The following NIBAN3 variants were observed in gnomAD, a reference collection of about 807,000 sequenced individuals.
NIBAN3 encodes protein Niban 3.
A neutral mutation model predicts 76.4 loss-of-function variants in NIBAN3; 66 were observed. The ratio of observed to expected loss-of-function variants is 0.86; its 90% confidence interval spans 0.71 to 1.06. The LOEUF (loss-of-function observed/expected upper bound fraction) is 1.06. Ranked by LOEUF, NIBAN3 falls within the 50% of genes least tolerant of loss-of-function variation. The pLI is 0.00. For missense variants in NIBAN3, 808 were observed against 810.7 expected (o/e 1.00, Z 0.04); for synonymous variants, 360 against 355.2 (o/e 1.01, Z -0.15).
At chr19:17,526,648 T>TAA (rs569937695), upstream of NIBAN3, among the ~76,000 whole-genome samples, 8 of 139,006 alleles carry the variant, frequency 5.8e-5, no homozygotes, top group African/African-American at 7.9e-5. Flanking sequence ...ACCCTGTCTC[T>TAA]AAAAAAAAAA....
rs2075992029 is a variant in NIBAN3 at position 17,543,438 on chromosome 19, G to A, written c.1446+5G>A. On this transcript the variant is annotated splice_donor_5th_base_variant and intron_variant, in intron 11 of 14. Coordinates refer to ENST00000599164, the MANE Select transcript of NIBAN3 (RefSeq NM_001321827.2). ...GTCAGGGGGCGCGTGCTGAAGGTGT[G>A]TTCTGTGGGTACGGGGTGGCATGGG... 2 of 1,613,218 alleles carry A rather than the reference G, an allele frequency of 1.2e-6. No homozygotes were observed. The highest frequency in any genetic ancestry group is 1.7e-6 in the Non-Finnish European group (2 of 1,179,290).
In NIBAN3 at chr19:17,546,798, G is replaced by A. The variant is rs1439902155; in HGVS notation, c.1666+1G>A. On this transcript the variant is annotated splice_donor_variant, in intron 13 of 14. Coordinates refer to ENST00000599164, the MANE Select transcript of NIBAN3 (RefSeq NM_001321827.2). LOFTEE classifies it high-confidence loss of function. Reference sequence around the variant, plus strand: ...TGCTTGCTGCAGAGGATTGACCAAGGTGAGTCCCGCCCTGCCATGGCTCAG... The same window carrying A: ...TGCTTGCTGCAGAGGATTGACCAAGATGAGTCCCGCCCTGCCATGGCTCAG... 1 of 1,590,302 alleles carries A rather than the reference G, an allele frequency of 6.3e-7. No individual in the cohort carries two copies. Among genetic ancestry groups the A allele is most frequent in the Admixed American group, 1.8e-5 (1 of 55,376 alleles).
intron 4 of NIBAN3, among the ~76,000 whole-genome samples, chr19:17,535,885 C>T (rs1267083589): frequency 6.6e-6 from 1 of 151,958 alleles, no homozygotes; most frequent in Non-Finnish European, 1.5e-5. Context: ...GCCTGGGCAG[C>T]AGAGGAAGAC....
chr19:17,524,206 T>C (rs955742338), upstream of NIBAN3, among the ~76,000 whole-genome samples: 7 of 151,516 alleles, frequency 4.6e-5, no homozygotes, highest in African/African-American at 1.7e-4. Flanking sequence ...CTTCCTTTCA[T>C]CTCCGTGACC....
intron 1 of NIBAN3, among the ~76,000 whole-genome samples, chr19:17,529,292 G>T (rs1010930382): frequency 2.0e-5 from 3 of 150,694 alleles, no homozygotes; most frequent in South Asian, 2.1e-4. Context: ...ACAAGATAAG[G>T]ATTTTTTTTT....
upstream of NIBAN3, chr19:17,523,541 C>T (rs1599695343): frequency 1.2e-5 from 15 of 1,224,640 alleles, no homozygotes; most frequent in East Asian, 2.3e-4. Context: ...CCCAGAGCGG[C>T]AGGCACGGGG....
downstream of NIBAN3, chr19:17,553,656 G>A: frequency 9.1e-7 from 1 of 1,104,636 alleles, no homozygotes; most frequent in Non-Finnish European, 1.3e-6. Context: ...TTCTTTAGCT[G>A]TCTTCCTTTT....
chr19:17,523,462 T>C, upstream of NIBAN3: 1 of 1,563,468 alleles, frequency 6.4e-7, no homozygotes, highest in South Asian at 1.2e-5. Context: ...GGAAGGAGGT[T>C]GGTAAACAGC....
At chr19:17,537,591 T>C in intron 5 of NIBAN3, 48 bp downstream of exon 5, 2 of 1,498,710 alleles carry the variant, frequency 1.3e-6, no homozygotes, top group South Asian at 2.6e-5. Flanking sequence ...TGGTCTGGGG[T>C]CAGATGGCTC....
In NIBAN3 at chr19:17,530,845, G is replaced by A. The variant is rs2075707740; in HGVS notation, c.146G>A (p.Gly49Asp). The change falls in exon 2 of 15, where the codon GGC becomes GAC. Residue 49 changes from glycine (G) to aspartate (D), a missense_variant. By Grantham distance (94) the Gly-to-Asp change is moderately conservative. Coordinates refer to ENST00000599164, the MANE Select transcript of NIBAN3 (RefSeq NM_001321827.2). Reference protein sequence around the residue: ...SVLRQISRELGPQEPTGSQLL... With the variant: ...SVLRQISRELDPQEPTGSQLL... Reference sequence around the variant, plus strand: ...CTGCGGCAGATCTCTCGAGAGCTGGGCCCTCAGGAGCCGACCGGAAGCCAG... The same window carrying A: ...CTGCGGCAGATCTCTCGAGAGCTGGACCCTCAGGAGCCGACCGGAAGCCAG... The A allele has an allele frequency of 1.9e-6, 3 of 1,613,432 alleles. No individual in the cohort carries two copies. The highest frequency in any genetic ancestry group is 1.3e-5 in the African/African-American group (1 of 74,912).
chr19:17,545,124 CT>C (rs1599750004), intron 12 of NIBAN3: 1 of 152,404 alleles, frequency 6.6e-6, no homozygotes, highest in Non-Finnish European at 1.5e-5. Context: ...GACTGCACCC[CT>C]GTAGTCCAGC....
intron 2 of NIBAN3, among the ~76,000 whole-genome samples, chr19:17,531,598 A>G (rs1222854108): frequency 6.6e-6 from 1 of 152,072 alleles, no homozygotes; most frequent in Non-Finnish European, 1.5e-5. Context: ...CAGTGGCGCA[A>G]TCTTAGCTCA....
Position 17,553,062 on chromosome 19 carries a change from T to C in NIBAN3, c.*1164T>C. On this transcript the variant is annotated 3_prime_UTR_variant, in exon 15 of 15. Coordinates refer to ENST00000599164, the MANE Select transcript of NIBAN3 (RefSeq NM_001321827.2). The stretch of plus-strand genomic sequence containing the variant: ...TGCACTCCAGCCTGGGTGATGGGAG[T>C]GAGACCCTGTCTCAAAAAACAAAAT... 2 of 392,186 alleles carry C rather than the reference T, an allele frequency of 5.1e-6. No individual in the cohort carries two copies. The highest frequency in any genetic ancestry group is 8.9e-6 in the Non-Finnish European group (2 of 224,282). 24.3% of individuals were successfully genotyped at this position (392,186 alleles called of 1,614,324 possible).
At chr19:17,553,714 A>G (rs1359996294), downstream of NIBAN3, 12 of 715,646 alleles carry the variant, frequency 1.7e-5, no homozygotes, top group Non-Finnish European at 2.6e-5. Flanking sequence ...TGCAGCTACA[A>G]GAATTTGTCA....
intron 2 of NIBAN3, 22 bp from the exon 3 acceptor site, chr19:17,532,241 C>G (rs2075740387): frequency 1.3e-6 from 2 of 1,594,192 alleles, no homozygotes; most frequent in African/African-American, 2.7e-5. Context: ...CCCCTGACAC[C>G]CACTGCTCCC....
rs1357589070 is a variant in NIBAN3, at chr19:17,553,367, A to G, written c.*1469A>G. The G allele has an allele frequency of 6.2e-7, 1 of 1,613,982 alleles. No homozygotes were observed. Among genetic ancestry groups the G allele is most frequent in the African/African-American group, 1.3e-5 (1 of 74,888 alleles). ...CTGGCTGGGAGACAAGCTTTTACCG[A>G]CTTCCTCTGCTTGCCAGCAAAGTCA... On this transcript the variant is annotated 3_prime_UTR_variant, in exon 15 of 15. Coordinates refer to ENST00000599164, the MANE Select transcript of NIBAN3 (RefSeq NM_001321827.2).
Position 17,542,242 on chromosome 19 carries a change from G to A in NIBAN3, c.1277G>A (p.Gly426Asp), listed in dbSNP as rs1176112188. ...GRLGQLAAPF[G>D]FLGMQSLVFG... Reference sequence around the variant, plus strand: ...TTGGGGCAGCTGGCAGCACCGTTTGGCTTTCTGGGGATGCAGAGCCTCGTG... The same window carrying A: ...TTGGGGCAGCTGGCAGCACCGTTTGACTTTCTGGGGATGCAGAGCCTCGTG... Residue 426 changes from glycine (G) to aspartate (D), a missense_variant, in exon 10 of 15, where the codon GGC becomes GAC. By Grantham distance (94) the Gly-to-Asp change is moderately conservative. Transcript: ENST00000599164. This position sits in a 1 kb window ranked among gnomAD's most constrained non-coding sequence, Gnocchi z 4.8. The A allele has an allele frequency of 6.2e-7, 1 of 1,613,736 alleles. No homozygotes were observed. Among genetic ancestry groups the A allele is most frequent in the Non-Finnish European group, 8.5e-7 (1 of 1,179,930 alleles).
chr19:17,532,242 C>T, intron 2 of NIBAN3, 21 bp from the exon 3 acceptor site: 3 of 1,595,160 alleles, frequency 1.9e-6, no homozygotes, highest in Non-Finnish European at 2.6e-6. Context: ...CCCTGACACC[C>T]ACTGCTCCCT....
chr19:17,539,479 G>C, intron 7 of NIBAN3, 28 bp downstream of exon 7: 1 of 1,460,296 alleles, frequency 6.8e-7, no homozygotes, highest in Non-Finnish European at 9.0e-7. Flanking sequence ...ATCCGGGATA[G>C]GGGGCGGGAT....
Sources: allele counts gnomAD v4.1 joint callset (sites outside exome capture counted in the v4.1 genomes callset), GRCh38; gene constraint gnomAD v4.1.1; non-coding constraint Gnocchi (gnomAD v3.1); transcripts MANE v1.5; gene names NCBI Gene and HGNC (gene_info 2026-07-23, HGNC 2026-07-21).